Variants in AGMO observed in about 807,000 individuals in gnomAD.
The protein encoded by AGMO is alkylglycerol monooxygenase.
Under a neutral mutation model 60.2 loss-of-function variants are expected in AGMO, and 75 were observed. The ratio of observed to expected loss-of-function variants is 1.25; its 90% confidence interval spans 1.03 to 1.51. The LOEUF (loss-of-function observed/expected upper bound fraction) is 1.51. Ranked by LOEUF, AGMO falls within the 40% of genes most tolerant of loss-of-function variation. The pLI, the probability that AGMO is intolerant of heterozygous loss-of-function variation, is 0.00. For synonymous variants in AGMO, 261 were observed against 177.1 expected (o/e 1.47, Z -3.76); for missense variants, 763 against 525.5 (o/e 1.45, Z -4.42).
intron 12 of AGMO, among the ~76,000 whole-genome samples, chr7:15,219,271 T>C (rs1781842710): frequency 6.6e-6 from 1 of 152,180 alleles, no homozygotes; most frequent in South Asian, 2.1e-4. Flanking sequence ...CTGTGTGCAG[T>C]AGAGACATCT....
intron 3 of AGMO, among the ~76,000 whole-genome samples, chr7:15,442,575 C>T (rs893035735): frequency 6.6e-5 from 10 of 152,090 alleles, no homozygotes; most frequent in African/African-American, 2.4e-4. Flanking sequence ...AATTGATTCC[C>T]TTCTGCCCAT....
At chr7:15,379,357 G>C (rs985263851) in intron 10 of AGMO, among the ~76,000 whole-genome samples, 11 of 151,880 alleles carry the variant, frequency 7.2e-5, no homozygotes, top group African/African-American at 2.7e-4. Context: ...TAATCAAGTA[G>C]AAAAACTGTT....
chr7:15,172,201 G>C, the AGMO span, among the ~76,000 whole-genome samples: 1 of 152,186 alleles, frequency 6.6e-6, no homozygotes, highest in Admixed American at 6.5e-5. Context: ...AATAAAATAA[G>C]TATTCGTGGT....
chr7:15,151,296 T>A, the AGMO span, among the ~76,000 whole-genome samples: 2 of 152,154 alleles, frequency 1.3e-5, no homozygotes, highest in Non-Finnish European at 2.9e-5. Context: ...AGTGATCTTT[T>A]GTATGGATTT....
intron 6 of AGMO, among the ~76,000 whole-genome samples, chr7:15,392,721 C>T (rs1562482713): frequency 6.6e-6 from 1 of 152,110 alleles, no homozygotes; most frequent in Non-Finnish European, 1.5e-5. Flanking sequence ...ATCACTTGAA[C>T]CCGGTAGGCG....
intron 12 of AGMO, among the ~76,000 whole-genome samples, chr7:15,237,065 G>T (rs1782445036): frequency 6.6e-6 from 1 of 152,120 alleles, no homozygotes. Context: ...TTTAAAGTAA[G>T]CATTGTGAAA....
At chr7:15,509,532 T>A (rs2128529493) in intron 3 of AGMO, among the ~76,000 whole-genome samples, 1 of 152,254 alleles carries the variant, frequency 6.6e-6, no homozygotes, top group Non-Finnish European at 1.5e-5. Context: ...GGAAATTTTT[T>A]TTCTTGATAT....
chr7:15,392,122 TG>T (rs1784167518), intron 6 of AGMO, among the ~76,000 whole-genome samples: 1 of 151,918 alleles, frequency 6.6e-6, no homozygotes, highest in South Asian at 2.1e-4. Context: ...CAGGCTGGAG[TG>T]CAGTGGCGCC....
intron 6 of AGMO, among the ~76,000 whole-genome samples, chr7:15,391,185 AT>A (rs1333691099): frequency 3.3e-5 from 5 of 152,064 alleles, no homozygotes; most frequent in African/African-American, 4.8e-5. Flanking sequence ...AATGTAAATA[AT>A]TTTTTCAGGA....
At chr7:15,397,166 G>T (rs561936548) in intron 5 of AGMO, among the ~76,000 whole-genome samples, 1 of 152,214 alleles carries the variant, frequency 6.6e-6, no homozygotes, top group African/African-American at 2.4e-5. Context: ...ACAACCAAGA[G>T]GAAAAGTGGG....
intron 12 of AGMO, among the ~76,000 whole-genome samples, chr7:15,306,839 T>C (rs1392193748): frequency 1.3e-5 from 2 of 151,998 alleles, no homozygotes; most frequent in African/African-American, 4.8e-5. Flanking sequence ...ATTATTCAGT[T>C]AGTGTATAAA....
At chr7:15,143,644 G>A in the AGMO span, among the ~76,000 whole-genome samples, 3 of 151,442 alleles carry the variant, frequency 2.0e-5, no homozygotes, top group African/African-American at 7.3e-5. Flanking sequence ...AACAAGATGA[G>A]CAGACGGAGT....
At chr7:15,310,557 GTAA>G (rs530527437) in intron 12 of AGMO, among the ~76,000 whole-genome samples, 544 of 152,102 alleles carry the variant, frequency 3.6e-3, no homozygotes, top group Non-Finnish European at 5.4e-3. Context: ...AATATTTTAA[GTAA>G]TAATGTGTCT....
chr7:15,248,223 T>TATATATATATATATATATA (rs71004372), intron 12 of AGMO, among the ~76,000 whole-genome samples: 7 of 111,990 alleles, frequency 6.3e-5, no homozygotes, highest in Non-Finnish European at 7.6e-5. Flanking sequence ...TATATATATA[T>TATATATATATATATATATA]ATCTTCATCT....
At chr7:15,192,748 C>G in the AGMO span, among the ~76,000 whole-genome samples, 1 of 152,146 alleles carries the variant, frequency 6.6e-6, no homozygotes, top group Non-Finnish European at 1.5e-5. Flanking sequence ...AAGTGCCCGC[C>G]CTGGCTCCTG....
At chr7:15,132,649 C>T in the AGMO span, among the ~76,000 whole-genome samples, 130,980 of 152,088 alleles carry the variant, frequency 0.86, 57,213 homozygotes, top group East Asian at 0.99. Flanking sequence ...CTTGTGACAT[C>T]AATTTAAAAA....
intron 3 of AGMO, among the ~76,000 whole-genome samples, chr7:15,519,446 A>C (rs1399172550): frequency 1.3e-5 from 2 of 152,196 alleles, no homozygotes; most frequent in Non-Finnish European, 2.9e-5. Context: ...CCAACAGACT[A>C]ACAGCAGATC....
In AGMO at chr7:15,322,521, TATATAA is replaced by T. The variant is rs1344457605; in HGVS notation, c.1263+42987_1263+42992del. On this transcript the variant is annotated intron_variant, in intron 12 of 12. Coordinates refer to ENST00000342526, the MANE Select transcript of AGMO (RefSeq NM_001004320.2). ...AAATATATAAATATATATATAAATA[TATATAA>T]ATATATAAATATATATATAAATATA... Among the ~76,000 whole-genome samples the T allele has an allele frequency of 2.3e-3, 196 of 87,064 alleles. 11 individuals are homozygous for T. Among genetic ancestry groups the T allele is most frequent in the African/African-American group, 0.011 (190 of 17,672 alleles). 57.1% of individuals were successfully genotyped at this position (87,064 alleles called of 152,430 possible).
At chr7:15,206,153 G>A (rs1417859162) in intron 12 of AGMO, among the ~76,000 whole-genome samples, 1 of 151,896 alleles carries the variant, frequency 6.6e-6, no homozygotes, top group Non-Finnish European at 1.5e-5. Flanking sequence ...AGCGCAAGAG[G>A]ACAAATAAGC....
Sources: gnomAD v4.1 joint callset for allele counts (sites outside exome capture counted in the v4.1 genomes callset) on GRCh38, gnomAD v4.1.1 for gene constraint, MANE v1.5 for transcripts, NCBI Gene and HGNC (gene_info 2026-07-23, HGNC 2026-07-21) for gene names.